Variants in SKAP1 observed in about 807,000 individuals in gnomAD.
The protein encoded by SKAP1 is src kinase associated phosphoprotein 1.
In SKAP1, 44 loss-of-function variants were observed where a neutral mutation model predicts 58.5. That is an observed-to-expected ratio of 0.75 (90% CI 0.59 to 0.97). SKAP1 has a LOEUF of 0.97. SKAP1 is among the 50% of genes least tolerant of loss of function. The pLI, the probability that SKAP1 is intolerant of heterozygous loss-of-function variation, is 0.00. For missense variants in SKAP1, 390 were observed against 435.2 expected, an observed-to-expected ratio of 0.90 and a Z score of 0.92; for synonymous variants, 127 against 149.7, an observed-to-expected ratio of 0.85 and a Z score of 1.11.
At chr17:48,158,578 A>AAAAAAAAAAAAAAAG (rs1567798217) in intron 11 of SKAP1, among the ~76,000 whole-genome samples, 2 of 149,394 alleles carry the variant, frequency 1.3e-5, no homozygotes, top group African/African-American at 4.9e-5. Flanking sequence ...AAAAAAAAAA[A>AAAAAAAAAAAAAAAG]AAAAAAGAAA....
intron 7 of SKAP1, 110 bp from the exon 8 acceptor site, chr17:48,182,567 C>T: frequency 1.4e-6 from 1 of 713,682 alleles, no homozygotes; most frequent in Non-Finnish European, 2.4e-6. Context: ...AAGTTTAAAG[C>T]TCAGGATTCT....
At chr17:48,328,862 C>G (rs1325999509) in intron 4 of SKAP1, among the ~76,000 whole-genome samples, 1 of 152,112 alleles carries the variant, frequency 6.6e-6, no homozygotes, top group Non-Finnish European at 1.5e-5. Flanking sequence ...AACTTCCATT[C>G]CATCTGTTTT....
chr17:48,210,725 GA>G (rs1251860508), intron 4 of SKAP1, among the ~76,000 whole-genome samples: 1 of 152,184 alleles, frequency 6.6e-6, no homozygotes, highest in Non-Finnish European at 1.5e-5. Flanking sequence ...CACCATTTAA[GA>G]AATACTAAAG....
chr17:48,268,592 A>T (rs1336357227), intron 4 of SKAP1, among the ~76,000 whole-genome samples: 4 of 152,068 alleles, frequency 2.6e-5, no homozygotes, highest in Non-Finnish European at 5.9e-5. Flanking sequence ...CCTGGGTTCA[A>T]GTGATTCGCC....
chr17:48,220,852 C>CAAAAAAAAAAAAAAAAAAAAAAAAAA (rs56006389), intron 4 of SKAP1, among the ~76,000 whole-genome samples: 1 of 83,628 alleles, frequency 1.2e-5, no homozygotes, highest in Non-Finnish European at 2.1e-5. Flanking sequence ...GACTCCATCT[C>CAAAAAAAAAAAAAAAAAAAAAAAAAA]AAAAAAAAAA....
chr17:48,357,798 A>G (rs1315133858), intron 3 of SKAP1, among the ~76,000 whole-genome samples: 1 of 152,228 alleles, frequency 6.6e-6, no homozygotes, highest in African/African-American at 2.4e-5. Context: ...CAAAATTAGT[A>G]ATTAACTTCA....
chr17:48,346,082 T>G, intron 3 of SKAP1, 76 bp from the exon 4 acceptor site: 1 of 821,478 alleles, frequency 1.2e-6, no homozygotes, highest in East Asian at 2.7e-5. Flanking sequence ...TATAAAAGGA[T>G]CTATGTATGA....
At chr17:48,412,116 A>G (rs1315392733) in intron 1 of SKAP1, among the ~76,000 whole-genome samples, 1 of 152,222 alleles carries the variant, frequency 6.6e-6, no homozygotes, top group Non-Finnish European at 1.5e-5. Flanking sequence ...TAATTTTTCT[A>G]TAAATCTGAA....
chr17:48,260,650 T>C (rs1265414137), intron 4 of SKAP1, among the ~76,000 whole-genome samples: 1 of 152,096 alleles, frequency 6.6e-6, no homozygotes, highest in Non-Finnish European at 1.5e-5. Context: ...TGTATCAATA[T>C]ACATGGAAAG....
At position 48,294,736 on chromosome 17, in the gene SKAP1, C is replaced by A. The variant is rs138653367; in HGVS notation, c.280+51169G>T. Among the ~76,000 whole-genome samples, 42 of 152,276 alleles carry A rather than the reference C, an allele frequency of 2.8e-4. No individual in the cohort carries two copies. In the East Asian group the frequency reaches 6.2e-3, roughly 22 times the overall value. ...TATAGTCTTCAAGTTCCCAAGACAT[C>A]AATTATGGCTGTTACGTGGTGATGA... is the stretch of plus-strand genomic sequence containing the variant. On this transcript the variant is annotated intron_variant, in intron 4 of 12. Coordinates refer to ENST00000336915, the MANE Select transcript of SKAP1 (RefSeq NM_003726.4).
chr17:48,342,048 A>C (rs2066660526), intron 4 of SKAP1, among the ~76,000 whole-genome samples: 1 of 152,220 alleles, frequency 6.6e-6, no homozygotes, highest in Admixed American at 6.5e-5. Context: ...TAACAAAGTA[A>C]GTTTATAAAT....
the SKAP1 span, among the ~76,000 whole-genome samples, chr17:48,444,321 C>T: frequency 1.3e-4 from 19 of 151,996 alleles, no homozygotes; most frequent in African/African-American, 2.7e-4. Context: ...AACCAGGAGG[C>T]GGAGGTTGCA....
chr17:48,379,908 AC>A (rs2144473075), intron 2 of SKAP1, among the ~76,000 whole-genome samples: 1 of 152,016 alleles, frequency 6.6e-6, no homozygotes, highest in South Asian at 2.1e-4. Flanking sequence ...GGTCTCGAAC[AC>A]CTGACCTCGT....
intron 1 of SKAP1, among the ~76,000 whole-genome samples, chr17:48,410,515 A>G (rs1217637657): frequency 6.6e-6 from 1 of 152,160 alleles, no homozygotes; most frequent in Admixed American, 6.5e-5. Flanking sequence ...GGCTGATTCT[A>G]GGACTGGGGA....
At chr17:48,400,100 T>C (rs952097665) in intron 1 of SKAP1, among the ~76,000 whole-genome samples, 19 of 144,812 alleles carry the variant, frequency 1.3e-4, no homozygotes, top group Non-Finnish European at 2.6e-4. Flanking sequence ...TTTTTTCTTT[T>C]CTTTTTTTTT....
intron 1 of SKAP1, among the ~76,000 whole-genome samples, chr17:48,398,789 A>G (rs1026383756): frequency 6.6e-6 from 1 of 152,230 alleles, no homozygotes; most frequent in Non-Finnish European, 1.5e-5. Context: ...TGGGAGGCCA[A>G]GGCGGGCGGA....
At chr17:48,356,933 T>C (rs1055587149) in intron 3 of SKAP1, among the ~76,000 whole-genome samples, 1 of 152,176 alleles carries the variant, frequency 6.6e-6, no homozygotes, top group African/African-American at 2.4e-5. Flanking sequence ...ACTAGTTTGC[T>C]CAAATTACCC....
intron 4 of SKAP1, among the ~76,000 whole-genome samples, chr17:48,320,450 A>T (rs2066346789): frequency 1.3e-5 from 2 of 152,256 alleles, no homozygotes. Context: ...TGCCCAGCAC[A>T]CTTATAAATG....
chr17:48,191,384 T>C (rs1241763385), intron 4 of SKAP1, among the ~76,000 whole-genome samples: 1 of 152,242 alleles, frequency 6.6e-6, no homozygotes, highest in Admixed American at 6.5e-5. Flanking sequence ...TTGGATTGTC[T>C]TAAATAATTT....
Sources: gnomAD v4.1 joint callset for allele counts (sites outside exome capture counted in the v4.1 genomes callset) on GRCh38, gnomAD v4.1.1 for gene constraint, MANE v1.5 for transcripts, NCBI Gene and HGNC (gene_info 2026-07-23, HGNC 2026-07-21) for gene names.